The following PRH1 variants were observed in gnomAD, a reference collection of about 807,000 sequenced individuals.
PRH1 encodes the protein salivary acidic proline-rich phosphoprotein 1/2.
Under a neutral mutation model 7.9 loss-of-function variants are expected in PRH1, and 7 were observed. That is an observed-to-expected ratio of 0.89 (90% CI 0.50 to 1.67). PRH1 has a LOEUF of 1.67. PRH1 is among the 40% of genes most tolerant of loss of function. The pLI, the probability that PRH1 is intolerant of heterozygous loss-of-function variation, is 0.00. For synonymous variants in PRH1, 45 were observed against 80.8 expected (o/e 0.56, Z 2.38); for missense variants, 109 against 223.6 (o/e 0.49, Z 3.27).
At chr12:11,157,277 T>G (rs1342534724) in intron 1 of PRH1, among the ~76,000 whole-genome samples, 1 of 152,226 alleles carries the variant, frequency 6.6e-6, no homozygotes, top group African/African-American at 2.4e-5. Flanking sequence ...GAGCAGAACT[T>G]GATCTCAAAA....
At chr12:11,002,821 C>T (rs1330465986) in intron 1 of PRH1, among the ~76,000 whole-genome samples, 1 of 151,962 alleles carries the variant, frequency 6.6e-6, no homozygotes, top group Non-Finnish European at 1.5e-5. Context: ...ATATTTTCCC[C>T]AACACATATG....
At chr12:11,078,780 A>C (rs1944399038) in intron 1 of PRH1, 1 of 152,070 alleles carries the variant, frequency 6.6e-6, no homozygotes, top group Non-Finnish European at 1.5e-5. Context: ...TTTAAATACC[A>C]GATTCTAAAC....
intron 1 of PRH1, among the ~76,000 whole-genome samples, chr12:11,099,785 G>T (rs7978808): frequency 0.21 from 32,150 of 152,118 alleles, 3,997 homozygotes; most frequent in Non-Finnish European, 0.27. Flanking sequence ...TTCTCTTGCA[G>T]AAAAACATAA....
At position 10,935,505 on chromosome 12, in the gene PRH1, T is replaced by C. The variant is rs369448018; in HGVS notation, c.-59+38150A>G. Among the ~76,000 whole-genome samples the C allele has an allele frequency of 1.1e-4, 17 of 152,290 alleles. No homozygotes were observed. The East Asian group carries it at 2.3e-3, about 21-fold the overall frequency. On this transcript the variant is annotated intron_variant, in intron 2 of 3. Coordinates refer to the PRH1 transcript ENST00000539853. Reference sequence around the variant, plus strand: ...CAGCAGCCTCTTTGTTAAAGCCAGATAGGGACAATATTGAGAATGCAGAGG... The same window carrying C: ...CAGCAGCCTCTTTGTTAAAGCCAGACAGGGACAATATTGAGAATGCAGAGG...
intron 1 of PRH1, among the ~76,000 whole-genome samples, chr12:10,991,617 T>C (rs778408341): frequency 6.6e-6 from 1 of 152,170 alleles, no homozygotes; most frequent in African/African-American, 2.4e-5. Flanking sequence ...ATATGAATAA[T>C]CAGCCTTATT....
In PRH1 at chr12:10,949,314, T is replaced by C. The variant is rs564837470; in HGVS notation, c.-59+24341A>G. Among the ~76,000 whole-genome samples, 6 of 152,352 alleles carry C rather than the reference T, an allele frequency of 3.9e-5. No individual in the cohort carries two copies. The East Asian group carries it at 9.6e-4, about 24-fold the overall frequency. ...ACTGGGTTTCTCTCCTTGGGTTGAC[T>C]GCATCTTGTTGGAGGTATGGATAAG... On this transcript the variant is annotated intron_variant, in intron 2 of 3. Transcript: ENST00000539853.
intron 1 of PRH1, among the ~76,000 whole-genome samples, chr12:11,001,861 ATTCT>A (rs1374698763): frequency 6.6e-6 from 1 of 152,136 alleles, no homozygotes; most frequent in Non-Finnish European, 1.5e-5. Flanking sequence ...TATACTATTA[ATTCT>A]TTGTCAATAA....
At chr12:11,168,213 G>GAAAGAAAGAAAGA (rs11381862) in intron 1 of PRH1, among the ~76,000 whole-genome samples, 2 of 19,622 alleles carry the variant, frequency 1.0e-4, no homozygotes, top group African/African-American at 2.7e-4. Flanking sequence ...AAGAAAGAAA[G>GAAAGAAAGAAAGA]AAGAAAGAAA....
intron 1 of PRH1, among the ~76,000 whole-genome samples, chr12:10,988,941 G>A (rs1939789345): frequency 6.6e-6 from 1 of 152,034 alleles, no homozygotes; most frequent in Non-Finnish European, 1.5e-5. Context: ...CAAGTAGCTG[G>A]GACTACAGGC....
chr12:11,061,547 A>G, intron 1 of PRH1: 3 of 1,614,120 alleles, frequency 1.9e-6, no homozygotes, highest in Middle Eastern at 1.6e-4. Flanking sequence ...TCAAAACTCC[A>G]AACTGACATG....
At chr12:11,135,029 C>T (rs1946504909) in intron 1 of PRH1, among the ~76,000 whole-genome samples, 1 of 152,102 alleles carries the variant, frequency 6.6e-6, no homozygotes, top group Non-Finnish European at 1.5e-5. Flanking sequence ...TTTTCCCACT[C>T]AAGGTTTTCA....
chr12:10,949,858 C>T (rs992188436), intron 2 of PRH1, among the ~76,000 whole-genome samples: 10 of 152,224 alleles, frequency 6.6e-5, no homozygotes, highest in Middle Eastern at 3.4e-3. Flanking sequence ...TTTCTTCCTC[C>T]CACATATCCC....
intron 2 of PRH1, among the ~76,000 whole-genome samples, chr12:10,955,294 T>C (rs935435323): frequency 2.6e-5 from 4 of 152,090 alleles, no homozygotes; most frequent in South Asian, 4.1e-4. Flanking sequence ...TAAAACCATA[T>C]AATTACATAG....
intron 2 of PRH1, among the ~76,000 whole-genome samples, chr12:10,917,294 A>T (rs552837341): frequency 1.3e-5 from 2 of 150,832 alleles, no homozygotes; most frequent in East Asian, 2.0e-4. Flanking sequence ...TAATTTTATA[A>T]TTTTTTTTAT....
intron 1 of PRH1, among the ~76,000 whole-genome samples, chr12:11,136,446 T>C (rs1481660091): frequency 6.6e-6 from 1 of 152,232 alleles, no homozygotes; most frequent in Non-Finnish European, 1.5e-5. Flanking sequence ...CTTTCATATA[T>C]CATTTGATGC....
chr12:10,964,023 A>G (rs988987746), intron 2 of PRH1, among the ~76,000 whole-genome samples: 6 of 152,238 alleles, frequency 3.9e-5, no homozygotes, highest in African/African-American at 1.2e-4. Context: ...TACAAATAAC[A>G]GTGGAAAAGA....
chr12:11,155,592 TACA>T (rs1947226181), intron 1 of PRH1, among the ~76,000 whole-genome samples: 1 of 152,214 alleles, frequency 6.6e-6, no homozygotes, highest in Non-Finnish European at 1.5e-5. Flanking sequence ...TCTTTATAAA[TACA>T]ACCTTAATAT....
intron 1 of PRH1, among the ~76,000 whole-genome samples, chr12:11,017,754 A>T (rs1213299977): frequency 6.6e-6 from 1 of 152,018 alleles, no homozygotes. Context: ...TGGTCTCCCA[A>T]AGTGCTGGTA....
chr12:10,902,819 A>C (rs1281591131), intron 2 of PRH1, among the ~76,000 whole-genome samples: 1 of 152,140 alleles, frequency 6.6e-6, no homozygotes, highest in Non-Finnish European at 1.5e-5. Flanking sequence ...AGACAAGCAA[A>C]GGGTAAAGGA....
Sources: gnomAD v4.1 joint callset for allele counts (sites outside exome capture counted in the v4.1 genomes callset) on GRCh38, gnomAD v4.1.1 for gene constraint, MANE v1.5 for transcripts, NCBI Gene and HGNC (gene_info 2026-07-23, HGNC 2026-07-21) for gene names.